NUAK1: variants seen among roughly 807,000 people sequenced by gnomAD.
The protein encoded by NUAK1 is NUAK family SNF1-like kinase 1.
NUAK1 carries 26 observed loss-of-function variants against 56.9 expected under a neutral mutation model. The observed-to-expected ratio is 0.46, with a 90% CI of 0.33 to 0.63. NUAK1 has a LOEUF of 0.63. NUAK1 is among the 30% of genes least tolerant of loss of function. NUAK1 has a pLI of 0.02. For missense variants in NUAK1, 727 were observed against 876.1 expected (o/e 0.83, Z 2.15); for synonymous variants, 337 against 336.0 (o/e 1.00, Z -0.03).
intron 4 of NUAK1, among the ~76,000 whole-genome samples, chr12:106,078,728 C>T (rs957896046): frequency 2.0e-5 from 3 of 152,154 alleles, no homozygotes; most frequent in African/African-American, 7.2e-5. Flanking sequence ...AAAAGAAATT[C>T]CCACCAGGAA....
intron 1 of NUAK1, among the ~76,000 whole-genome samples, chr12:106,128,460 C>T (rs1022881444): frequency 2.6e-5 from 4 of 152,130 alleles, no homozygotes; most frequent in Non-Finnish European, 5.9e-5. Context: ...TTGGACGGTC[C>T]ACTTCCCTTC....
intron 1 of NUAK1, among the ~76,000 whole-genome samples, chr12:106,122,477 C>A (rs2032987262): frequency 6.6e-6 from 1 of 152,190 alleles, no homozygotes; most frequent in South Asian, 2.1e-4. Context: ...CAGTGACTGA[C>A]ATGCTTAGAC....
rs183301129 is a variant in NUAK1 at position 106,100,818 on chromosome 12, T to G, written c.361+5587A>C. Among the ~76,000 whole-genome samples, 8 of 152,350 alleles carry G rather than the reference T, an allele frequency of 5.3e-5. No homozygotes were observed. The East Asian group carries it at 1.5e-3, about 29-fold the overall frequency. ...CATTGTCATGTTGCTATTGTTGTTT[T>G]GTTGATGTTGTTGTTGTTGCTGTCA... On this transcript the variant is annotated intron_variant, in intron 2 of 6. Coordinates refer to ENST00000261402, the MANE Select transcript of NUAK1 (RefSeq NM_014840.3).
At chr12:106,075,853 G>A (rs1248961946) in intron 4 of NUAK1, among the ~76,000 whole-genome samples, 1 of 152,274 alleles carries the variant, frequency 6.6e-6, no homozygotes, top group East Asian at 1.9e-4. Flanking sequence ...TTATCAAAGA[G>A]ACCAGGCCTC....
chr12:106,098,402 T>C (rs1165534069), intron 2 of NUAK1, among the ~76,000 whole-genome samples: 1 of 152,126 alleles, frequency 6.6e-6, no homozygotes, highest in Non-Finnish European at 1.5e-5. Context: ...AAGGACGTGT[T>C]TGTCTATTTC....
chr12:106,075,581 C>G (rs1009546028), intron 4 of NUAK1, among the ~76,000 whole-genome samples: 1 of 152,110 alleles, frequency 6.6e-6, no homozygotes, highest in African/African-American at 2.4e-5. Context: ...AGTTGGAGCT[C>G]AATATATATT....
chr12:106,097,677 G>C (rs2032708756), intron 2 of NUAK1, among the ~76,000 whole-genome samples: 1 of 152,204 alleles, frequency 6.6e-6, no homozygotes, highest in Admixed American at 6.5e-5. Context: ...AAGGAAACCA[G>C]AATCAATTAT....
chr12:106,091,533 A>C (rs1431867203), intron 2 of NUAK1, among the ~76,000 whole-genome samples: 5 of 152,188 alleles, frequency 3.3e-5, no homozygotes, highest in Admixed American at 3.3e-4. Context: ...CAGAGCAGAA[A>C]CAGAACCGCC....
At chr12:106,127,787 T>C (rs1352988555) in intron 1 of NUAK1, among the ~76,000 whole-genome samples, 2 of 152,088 alleles carry the variant, frequency 1.3e-5, no homozygotes, top group Non-Finnish European at 2.9e-5. Flanking sequence ...AAGGGACCCT[T>C]AAGGACATTT....
intron 1 of NUAK1, among the ~76,000 whole-genome samples, chr12:106,124,105 G>A (rs887055318): frequency 2.6e-5 from 4 of 152,084 alleles, no homozygotes; most frequent in Non-Finnish European, 5.9e-5. Context: ...TGAAGCAAAG[G>A]GGTTGGGGGA....
intron 1 of NUAK1, among the ~76,000 whole-genome samples, chr12:106,131,411 G>T (rs910044583): frequency 1.3e-5 from 2 of 152,126 alleles, no homozygotes; most frequent in African/African-American, 4.8e-5. Context: ...GTCTCTTGTG[G>T]ACATTACATA....
intron 1 of NUAK1, among the ~76,000 whole-genome samples, chr12:106,108,760 ATTC>A (rs1272821749): frequency 3.3e-5 from 5 of 152,228 alleles, no homozygotes; most frequent in Admixed American, 3.3e-4. Context: ...ATAGGCATAA[ATTC>A]TTCACCATGC....
intron 2 of NUAK1, among the ~76,000 whole-genome samples, chr12:106,091,108 T>C (rs2032630201): frequency 6.6e-6 from 1 of 152,226 alleles, no homozygotes; most frequent in African/African-American, 2.4e-5. Context: ...TTGGGCACTT[T>C]TACAACTGGT....
intron 1 of NUAK1, among the ~76,000 whole-genome samples, chr12:106,124,330 T>C (rs1249028474): frequency 6.6e-6 from 1 of 152,200 alleles, no homozygotes; most frequent in African/African-American, 2.4e-5. Context: ...TGCTCCTTAA[T>C]TTTTTCTTAG....
At chr12:106,070,701 A>C (rs2032396475) in intron 6 of NUAK1, 73 bp downstream of exon 6, 2 of 1,579,738 alleles carry the variant, frequency 1.3e-6, no homozygotes, top group Non-Finnish European at 1.7e-6. Context: ...CTAAAACAAA[A>C]GCAGAAAATA....
intron 3 of NUAK1, among the ~76,000 whole-genome samples, chr12:106,085,785 C>T (rs959741698): frequency 3.3e-5 from 5 of 152,162 alleles, no homozygotes; most frequent in African/African-American, 7.2e-5. Context: ...TAGCTCACTA[C>T]AGCCCCAAAC....
intron 2 of NUAK1, among the ~76,000 whole-genome samples, chr12:106,093,314 A>G (rs2032656110): frequency 6.6e-6 from 1 of 152,168 alleles, no homozygotes; most frequent in African/African-American, 2.4e-5. Context: ...CTTCCCAGAC[A>G]CCAACTTAAA....
chr12:106,111,732 C>T (rs1239960603), intron 1 of NUAK1, among the ~76,000 whole-genome samples: 1 of 152,084 alleles, frequency 6.6e-6, no homozygotes, highest in Non-Finnish European at 1.5e-5. Context: ...TGACCCTCAA[C>T]ATTTTTAAAT....
chr12:106,073,097 C>T (rs529984353), intron 4 of NUAK1, among the ~76,000 whole-genome samples: 2 of 152,332 alleles, frequency 1.3e-5, no homozygotes, highest in Non-Finnish European at 2.9e-5. Context: ...AGCTCTGCAA[C>T]TTACTTAGAA....
Sources: allele counts gnomAD v4.1 joint callset (sites outside exome capture counted in the v4.1 genomes callset), GRCh38; gene constraint gnomAD v4.1.1; transcripts MANE v1.5; gene names NCBI Gene and HGNC (gene_info 2026-07-23, HGNC 2026-07-21).